RGS7: variants seen among roughly 807,000 people sequenced by gnomAD.
The protein encoded by RGS7 is regulator of G-protein signaling 7.
A neutral mutation model predicts 81.1 loss-of-function variants in RGS7; 27 were observed. The observed-to-expected ratio is 0.33, with a 90% CI of 0.25 to 0.46. The LOEUF (loss-of-function observed/expected upper bound fraction) is 0.46, where lower values mean the gene tolerates loss of function less well. RGS7 is among the 20% of genes least tolerant of loss of function. The pLI is 1.00. For synonymous variants in RGS7, 208 were observed against 207.7 expected, an observed-to-expected ratio of 1.00 and a Z score of -0.01; for missense variants, 396 against 607.4, an observed-to-expected ratio of 0.65 and a Z score of 3.66.
intron 2 of RGS7, among the ~76,000 whole-genome samples, chr1:241,353,309 T>C (rs1316977188): frequency 6.6e-6 from 1 of 152,198 alleles, no homozygotes; most frequent in Non-Finnish European, 1.5e-5. Flanking sequence ...TGAGAAGATA[T>C]TGAATGGAAA....
chr1:241,061,720 G>A (rs947020902), intron 3 of RGS7, among the ~76,000 whole-genome samples: 1 of 152,144 alleles, frequency 6.6e-6, no homozygotes, highest in Non-Finnish European at 1.5e-5. Context: ...AATTAACCAG[G>A]TGAAGGTTTG....
chr1:241,324,294 C>T (rs183757470), intron 2 of RGS7, among the ~76,000 whole-genome samples: 1 of 151,428 alleles, frequency 6.6e-6, no homozygotes. Flanking sequence ...GATGTTTTGC[C>T]TTGGAGACAG....
chr1:240,793,611 A>ATATATATTTTTTTTTTTTTTTTT, intron 18 of RGS7, among the ~76,000 whole-genome samples: 1 of 78,812 alleles, frequency 1.3e-5, no homozygotes, highest in African/African-American at 9.7e-5. Flanking sequence ...ATATATATAT[A>ATATATATTTTTTTTTTTTTTTTT]TTTTTTTTTT....
At chr1:241,235,636 TC>T (rs1453345386) in intron 2 of RGS7, among the ~76,000 whole-genome samples, 1 of 125,172 alleles carries the variant, frequency 8.0e-6, no homozygotes, top group African/African-American at 3.1e-5. Flanking sequence ...CTCTCTTTTT[TC>T]TTTTTTCTCA....
chr1:241,015,973 T>C lies in RGS7; in HGVS notation c.176-32844A>G, dbSNP rs2059198413. ...CTCCCATTAAACAAATTCACTTTAG[T>C]GTGTAATTTAATCAAGCTATTTGTT... On this transcript the variant is annotated intron_variant, in intron 3 of 18. Transcript: ENST00000440928. Among the ~76,000 whole-genome samples, 3 of 152,332 alleles carry C rather than the reference T, an allele frequency of 2.0e-5. No individual in the cohort carries two copies. In the South Asian group the frequency reaches 6.2e-4, roughly 32 times the overall value.
At chr1:240,838,212 A>AGGTT (rs1695023410) in intron 9 of RGS7, among the ~76,000 whole-genome samples, 1 of 152,218 alleles carries the variant, frequency 6.6e-6, no homozygotes, top group African/African-American at 2.4e-5. Flanking sequence ...AGTTCATAGA[A>AGGTT]GGTTCCTTCT....
chr1:240,974,262 T>A (rs188646342), intron 4 of RGS7, among the ~76,000 whole-genome samples: 227 of 152,360 alleles, frequency 1.5e-3, no homozygotes, highest in Middle Eastern at 6.8e-3. Flanking sequence ...TAAGTTTTTA[T>A]CCTAGATAAA....
intron 2 of RGS7, among the ~76,000 whole-genome samples, chr1:241,179,908 T>C (rs1027002892): frequency 6.6e-6 from 1 of 152,158 alleles, no homozygotes; most frequent in Non-Finnish European, 1.5e-5. Context: ...CTTCCTGATC[T>C]TAAAGAGTCC....
intron 2 of RGS7, among the ~76,000 whole-genome samples, chr1:241,279,851 A>G (rs2078407037): frequency 6.6e-6 from 1 of 152,138 alleles, no homozygotes; most frequent in Admixed American, 6.5e-5. Flanking sequence ...ACTCAGCCCA[A>G]CTTTCTAGAG....
intron 2 of RGS7, among the ~76,000 whole-genome samples, chr1:241,135,073 C>G (rs928826146): frequency 4.6e-5 from 7 of 152,128 alleles, no homozygotes; most frequent in African/African-American, 1.7e-4. Flanking sequence ...CTGTCCTGTC[C>G]TCATTTGGGG....
intron 4 of RGS7, among the ~76,000 whole-genome samples, chr1:240,949,890 A>G (rs948283521): frequency 1.4e-5 from 2 of 147,992 alleles, no homozygotes; most frequent in African/African-American, 5.0e-5. Context: ...TTCTGGTTTT[A>G]ACTGAGACAT....
intron 9 of RGS7, among the ~76,000 whole-genome samples, chr1:240,841,915 CATG>C (rs1658081038): frequency 6.6e-6 from 1 of 152,114 alleles, no homozygotes; most frequent in Admixed American, 6.5e-5. Context: ...AGACAAATAA[CATG>C]ATGACAAACT....
At chr1:240,846,505 G>A in intron 9 of RGS7, among the ~76,000 whole-genome samples, 1 of 152,176 alleles carries the variant, frequency 6.6e-6, no homozygotes, top group Non-Finnish European at 1.5e-5. Flanking sequence ...ATCTGCATAG[G>A]TCACCCTCTT....
intron 2 of RGS7, among the ~76,000 whole-genome samples, chr1:241,355,230 G>A (rs1410569417): frequency 1.3e-5 from 2 of 152,170 alleles, no homozygotes; most frequent in South Asian, 2.1e-4. Context: ...AGTCAAGAAC[G>A]AAATTAGTAA....
chr1:241,166,220 GGAA>G (rs1214314431), intron 2 of RGS7, among the ~76,000 whole-genome samples: 1 of 152,344 alleles, frequency 6.6e-6, no homozygotes, highest in African/African-American at 2.4e-5. Flanking sequence ...TTGAAGGATA[GGAA>G]GAAGAAAACA....
At chr1:240,949,586 G>A (rs1572918719) in intron 4 of RGS7, among the ~76,000 whole-genome samples, 1 of 152,116 alleles carries the variant, frequency 6.6e-6, no homozygotes, top group African/African-American at 2.4e-5. Flanking sequence ...GGTGGCTCAC[G>A]CCTGTAATCC....
chr1:241,165,736 T>A (rs1572957948), intron 2 of RGS7, among the ~76,000 whole-genome samples: 3 of 149,666 alleles, frequency 2.0e-5, no homozygotes, highest in East Asian at 2.0e-4. Context: ...CATATGTAAC[T>A]AACCTGAACA....
chr1:240,827,864 C>CAAAAAAAAAA (rs57562408), intron 9 of RGS7, among the ~76,000 whole-genome samples: 2 of 52,864 alleles, frequency 3.8e-5, no homozygotes, highest in Non-Finnish European at 8.3e-5. Flanking sequence ...AACTCCATTG[C>CAAAAAAAAAA]AAAAAAAAAA....
Position 240,794,925 on chromosome 1 carries a change from G to T in RGS7, c.*6+5716C>A, listed in dbSNP as rs201567816. 6.6e-5 allele frequency among the ~76,000 whole-genome samples: 10 copies of T among 151,466 alleles called. No individual in the cohort carries two copies. In the East Asian group the frequency reaches 1.9e-3, roughly 29 times the overall value. On this transcript the variant is annotated intron_variant, in intron 18 of 18. Transcript: ENST00000440928. ...AGGCTGGGCGTGGTGGCTCATGCTT[G>T]TAATCCCAGCACTTTGGGAGGCCGA...
Sources: allele counts gnomAD v4.1 joint callset (sites outside exome capture counted in the v4.1 genomes callset), GRCh38; gene constraint gnomAD v4.1.1; transcripts MANE v1.5; gene names NCBI Gene and HGNC (gene_info 2026-07-23, HGNC 2026-07-21).